ARHGAP23: variants seen among roughly 807,000 people sequenced by gnomAD.
ARHGAP23 encodes the protein Rho GTPase activating protein 23.
In ARHGAP23, 34 loss-of-function variants were observed where a neutral mutation model predicts 136.3. The observed-to-expected ratio is 0.25, with a 90% CI of 0.19 to 0.33. The LOEUF is 0.33. Ranked by LOEUF, ARHGAP23 falls within the 10% of genes least tolerant of loss-of-function variation. The pLI, the probability that ARHGAP23 is intolerant of heterozygous loss-of-function variation, is 1.00. For synonymous variants in ARHGAP23, 832 were observed against 920.5 expected (o/e 0.90, Z 1.74); for missense variants, 1,808 against 2,139.0 (o/e 0.85, Z 3.05).
chr17:38,455,679 G>A (rs546587937), intron 1 of ARHGAP23, among the ~76,000 whole-genome samples: 1 of 152,332 alleles, frequency 6.6e-6, no homozygotes, highest in South Asian at 2.1e-4. Flanking sequence ...GAGCCTGGGT[G>A]GGGGACAGGC....
intron 16 of ARHGAP23, among the ~76,000 whole-genome samples, chr17:38,483,225 G>A (rs779233738): frequency 6.6e-6 from 1 of 152,176 alleles, no homozygotes; most frequent in Non-Finnish European, 1.5e-5. Flanking sequence ...GCTAGATATT[G>A]CCTACAGACC....
In ARHGAP23 at chr17:38,511,619, T is replaced by C. The variant is rs2040767385; in HGVS notation, c.*647T>C. On this transcript the variant is annotated 3_prime_UTR_variant, in exon 24 of 24. Coordinates refer to ENST00000622683, the MANE Select transcript of ARHGAP23 (RefSeq NM_001199417.2). ...CCTTGCCAGAGCCAGAGAAGGGGGT[T>C]GGGGCCATTCCAAGGAGGCAGGACT... The C allele has an allele frequency of 6.6e-6, 1 of 152,210 alleles. No homozygotes were observed. Among genetic ancestry groups the C allele is most frequent in the Admixed American group, 6.5e-5 (1 of 15,276 alleles). 9.4% of individuals were successfully genotyped at this position (152,210 alleles called of 1,614,324 possible). A position where few individuals can be genotyped will look rare whatever the true frequency, so the allele number is the denominator to read the frequency against.
At chr17:38,429,354 C>T (rs191010884) in intron 1 of ARHGAP23, among the ~76,000 whole-genome samples, 133 of 152,364 alleles carry the variant, frequency 8.7e-4, no homozygotes, top group Non-Finnish European at 1.6e-3. Flanking sequence ...AGCCTGGCTG[C>T]CCGCCCTGCA....
rs938457386 is a variant in ARHGAP23 at position 38,469,545 on chromosome 17, G to C, written c.1826G>C (p.Arg609Pro). 1.7e-5 allele frequency: 27 copies of C among 1,548,354 alleles called. No individual in the cohort carries two copies. The highest frequency in any genetic ancestry group is 3.5e-6 in the Non-Finnish European group (4 of 1,146,684). The change falls in exon 9 of 24, where the codon CGC (arginine) becomes CCC (proline). Residue 609 changes from arginine to proline, a missense_variant. Transcript: ENST00000622683. ...GCAGGCAGCATCAAGGCTGGCCGCC[G>C]CTCCTCCTACCTGCTGGCCATCACC... The part of the protein sequence containing the change: ...QDCSSIKAGR[R>P]SSYLLAITTE...
chr17:38,463,110 G>C lies in ARHGAP23; in HGVS notation c.350-8G>C. 6.4e-7 allele frequency: 1 copy of C among 1,551,138 alleles called. No homozygotes were observed. The highest frequency in any genetic ancestry group is 8.7e-7 in the Non-Finnish European group (1 of 1,146,720). ...TTTGGTCACCACTCATGCGCTCCTT[G>C]TCCCCAGGAGACCGGCTGGTAAAGG... On this transcript the variant is annotated splice_region_variant and splice_polypyrimidine_tract_variant and intron_variant, in intron 4 of 23. Transcript: ENST00000622683.
At chr17:38,509,823 C>G (rs1414259934) in intron 23 of ARHGAP23, 121 bp from the exon 24 acceptor site, 14 of 754,724 alleles carry the variant, frequency 1.9e-5, no homozygotes, top group Non-Finnish European at 2.5e-5. Context: ...GCCGTGGGTG[C>G]TGGCCTTGGC....
chr17:38,435,459 G>A lies in ARHGAP23; in HGVS notation c.63+6911G>A, dbSNP rs192893008. On this transcript the variant is annotated intron_variant, in intron 1 of 23. Transcript: ENST00000622683. ...GGTCCAAGTAGAAAGGGGCACCCCA[G>A]GCTTTTGGACTGAGCAATGCACAGG... Among the ~76,000 whole-genome samples, 10 of 152,316 alleles carry A rather than the reference G, an allele frequency of 6.6e-5. No homozygotes were observed. In the South Asian group the frequency reaches 1.2e-3, roughly 19 times the overall value.
intron 1 of ARHGAP23, among the ~76,000 whole-genome samples, chr17:38,456,333 A>G (rs965251594): frequency 1.2e-4 from 19 of 152,180 alleles, no homozygotes; most frequent in Admixed American, 1.0e-3. Flanking sequence ...TGGATGGTCC[A>G]TGAATGAACT....
chr17:38,473,068 C>G (rs1180497235), intron 11 of ARHGAP23, among the ~76,000 whole-genome samples: 1 of 151,464 alleles, frequency 6.6e-6, no homozygotes, highest in Non-Finnish European at 1.5e-5. Flanking sequence ...TCCTGGGTAG[C>G]TGGGACTACA....
At position 38,510,670 on chromosome 17, in the gene ARHGAP23, CTGT is replaced by C. The variant is rs2040742133; in HGVS notation, c.4175_4177del (p.Leu1392_Ser1393delinsPro). 1 of 1,396,710 alleles carries C rather than the reference CTGT, an allele frequency of 7.2e-7. No homozygotes were observed. The highest frequency in any genetic ancestry group is 9.2e-7 in the Non-Finnish European group (1 of 1,084,050). The allele number at this position is 1,396,710 out of a possible 1,614,324, so 86.5% of individuals were successfully genotyped here. A position where few individuals can be genotyped will look rare whatever the true frequency, so the allele number is the denominator to read the frequency against. On this transcript the variant is annotated inframe_deletion, in exon 24 of 24. Transcript: ENST00000622683. The surrounding 1 kb of genome is among the most constrained non-coding windows in gnomAD (Gnocchi z 4.6). Reference sequence around the variant, plus strand: ...GCTCGCCGTGCGCCTGCGGCGGCCGCTGTCGCCCGAGACCCGGCGGCGCCGGAG... The same window carrying C: ...GCTCGCCGTGCGCCTGCGGCGGCCGCCGCCCGAGACCCGGCGGCGCCGGAG...
intron 23 of ARHGAP23, among the ~76,000 whole-genome samples, chr17:38,509,057 G>C (rs1388211628): frequency 9.0e-6 from 1 of 111,080 alleles, no homozygotes; most frequent in Non-Finnish European, 1.7e-5. Context: ...GGGGCGGGGG[G>C]CGGGCAAGAA....
chr17:38,446,885 C>T (rs975000226), intron 1 of ARHGAP23, among the ~76,000 whole-genome samples: 1 of 152,094 alleles, frequency 6.6e-6, no homozygotes, highest in African/African-American at 2.4e-5. Flanking sequence ...AGCATCATAG[C>T]TCACTGCAGC....
At chr17:38,486,598 G>T (rs2040167188) in intron 17 of ARHGAP23, among the ~76,000 whole-genome samples, 2 of 146,926 alleles carry the variant, frequency 1.4e-5, no homozygotes, top group Non-Finnish European at 3.0e-5. Flanking sequence ...GTACAGATGT[G>T]AATGAAGAAA....
At position 38,498,523 on chromosome 17, in the gene ARHGAP23, G is replaced by C. The variant is rs780183495; in HGVS notation, c.3415+13G>C. ...GACCCGGGGTCAGGTGAGCGCAGGG[G>C]CCTGGGAGTGGGGAGGCGGGAGGTT... On this transcript the variant is annotated intron_variant, in intron 22 of 23. Coordinates refer to ENST00000622683, the MANE Select transcript of ARHGAP23 (RefSeq NM_001199417.2). 6.5e-7 allele frequency: 1 copy of C among 1,529,364 alleles called. No individual in the cohort carries two copies. The highest frequency in any genetic ancestry group is 1.2e-5 in the South Asian group (1 of 82,120). 94.7% of individuals were successfully genotyped at this position (1,529,364 alleles called of 1,614,324 possible).
Position 38,462,839 on chromosome 17 carries a change from C to T in ARHGAP23, c.254-7C>T. ...CACCCCCAGCTAACCTGGCTGATGC[C>T]CACTAGGACCCTCCCCCCGGTACCG... On this transcript the variant is annotated splice_region_variant and splice_polypyrimidine_tract_variant and intron_variant, in intron 3 of 23. Coordinates refer to ENST00000622683, the MANE Select transcript of ARHGAP23 (RefSeq NM_001199417.2). 6.7e-7 allele frequency: 1 copy of T among 1,500,698 alleles called. No homozygotes were observed. Among genetic ancestry groups the T allele is most frequent in the Non-Finnish European group, 8.9e-7 (1 of 1,126,422 alleles). The allele number at this position is 1,500,698 out of a possible 1,614,324, so 93.0% of individuals were successfully genotyped here.
chr17:38,447,139 A>G (rs1232253253), intron 1 of ARHGAP23, among the ~76,000 whole-genome samples: 3 of 151,858 alleles, frequency 2.0e-5, no homozygotes, highest in East Asian at 3.9e-4. Flanking sequence ...CCACATCCTC[A>G]CCATTAAGAA....
Position 38,452,793 on chromosome 17 carries a change from C to CGAGCA in ARHGAP23, c.64-5307_64-5303dup, listed in dbSNP as rs573995730. On this transcript the variant is annotated intron_variant, in intron 1 of 23. Transcript: ENST00000622683. ...CTGGGAAGAGCAAGAGCCAGGAAGG[C>CGAGCA]GAGCAGGGCAGGGGCTAGCACAACA... Among the ~76,000 whole-genome samples the CGAGCA allele has an allele frequency of 3.3e-3, 505 of 152,292 alleles. 1 individual carries two copies. The highest frequency in any genetic ancestry group is 5.6e-3 in the South Asian group (27 of 4,824).
intron 1 of ARHGAP23, among the ~76,000 whole-genome samples, chr17:38,449,962 G>A (rs952206466): frequency 6.6e-6 from 1 of 152,120 alleles, no homozygotes; most frequent in South Asian, 2.1e-4. Flanking sequence ...GACTCAGGAC[G>A]CTCTCCTCCC....
intron 7 of ARHGAP23, 61 bp from the exon 8 acceptor site, chr17:38,469,083 G>A: frequency 1.3e-6 from 2 of 1,491,320 alleles, no homozygotes; most frequent in South Asian, 1.3e-5. Context: ...CAAGGCTAGG[G>A]TGGAGGCAGG....
Sources: gnomAD v4.1 joint callset for allele counts (sites outside exome capture counted in the v4.1 genomes callset) on GRCh38, gnomAD v4.1.1 for gene constraint, Gnocchi (gnomAD v3.1) non-coding constraint, MANE v1.5 for transcripts, NCBI Gene and HGNC (gene_info 2026-07-23, HGNC 2026-07-21) for gene names.